Variants in THBS4 observed in about 807,000 individuals in gnomAD.
THBS4 encodes the protein thrombospondin-4.
THBS4 carries 90 observed loss-of-function variants against 115.7 expected under a neutral mutation model. That is an observed-to-expected ratio of 0.78 (90% confidence interval 0.66 to 0.93). The LOEUF (loss-of-function observed/expected upper bound fraction) is 0.93, where lower values mean the gene tolerates loss of function less well. Among genes scored for constraint, THBS4 ranks in the 40% least tolerant of loss-of-function variants. The pLI is 0.00. For synonymous variants in THBS4, 460 were observed against 479.3 expected (o/e 0.96, Z 0.53); for missense variants, 1,087 against 1,232.7 (o/e 0.88, Z 1.77).
chr5:80,079,003 A>T (rs1743357025), intron 18 of THBS4, 34 bp downstream of exon 18: 1 of 1,613,572 alleles, frequency 6.2e-7, no homozygotes, highest in Non-Finnish European at 8.5e-7. Flanking sequence ...ACTCACATAG[A>T]ATTCTTCCAG....
At position 80,056,034 on chromosome 5, in the gene THBS4, T is replaced by G; in HGVS notation, c.540+2T>G. On this transcript the variant is annotated splice_donor_variant, in intron 3 of 21. Transcript: ENST00000350881. LOFTEE classifies it high-confidence loss of function. ...AGGACTTTCCAGAGGAAGCCACAGGTAGGAACCCACAAACCATTCTCTGAA... is the reference window on the plus strand; with the variant it reads ...AGGACTTTCCAGAGGAAGCCACAGGGAGGAACCCACAAACCATTCTCTGAA... The G allele has an allele frequency of 6.3e-7, 1 of 1,596,276 alleles. No homozygotes were observed. The highest frequency in any genetic ancestry group is 8.6e-7 in the Non-Finnish European group (1 of 1,168,294).
At chr5:80,079,869 G>A (rs768891630) in intron 19 of THBS4, 36 bp from the exon 20 acceptor site, 2 of 1,605,376 alleles carry the variant, frequency 1.2e-6, no homozygotes, top group South Asian at 1.1e-5. Flanking sequence ...TGGTGCCTGT[G>A]TCCTGTCCTA....
At chr5:80,080,663 T>G (rs535034509) in intron 20 of THBS4, among the ~76,000 whole-genome samples, 5 of 143,890 alleles carry the variant, frequency 3.5e-5, no homozygotes, top group African/African-American at 1.0e-4. Flanking sequence ...CTCAGCTCAC[T>G]GCAACCTCCG....
intron 2 of THBS4, among the ~76,000 whole-genome samples, chr5:80,045,624 G>A (rs533221339): frequency 1.3e-4 from 19 of 148,472 alleles, no homozygotes; most frequent in South Asian, 2.3e-4. Context: ...TCCGCCTCCC[G>A]GGTTCAAGTG....
At chr5:80,077,169 C>G in intron 16 of THBS4, 121 bp downstream of exon 16, 2 of 916,792 alleles carry the variant, frequency 2.2e-6, no homozygotes, top group South Asian at 2.0e-5. Flanking sequence ...AGCTGCTTCT[C>G]TACACCCAGC....
chr5:80,021,962 G>A (rs1026660076), intron 2 of THBS4, among the ~76,000 whole-genome samples: 6 of 152,138 alleles, frequency 3.9e-5, no homozygotes, highest in African/African-American at 1.4e-4. Flanking sequence ...AATCGGGAGA[G>A]GCAAATTTCT....
intron 1 of THBS4, among the ~76,000 whole-genome samples, chr5:79,993,618 AT>A (rs1330051740): frequency 6.6e-6 from 1 of 152,202 alleles, no homozygotes; most frequent in Admixed American, 6.5e-5. Flanking sequence ...AAGAAATCTT[AT>A]TTTTCAAAAG....
At chr5:80,082,758 A>G (rs1743584960) in intron 21 of THBS4, among the ~76,000 whole-genome samples, 1 of 152,244 alleles carries the variant, frequency 6.6e-6, no homozygotes, top group South Asian at 2.1e-4. Flanking sequence ...ATTTAACTGC[A>G]TGGTTTAGGG....
Position 80,072,339 on chromosome 5 carries a change from T to C in THBS4, c.1782T>C (p.Asp594=), listed in dbSNP as rs200880335. The part of the protein sequence containing the change: ...KFPNRDQRDK[D]GDGVGDACDS... ...CCAATCGTGACCAACGGGACAAGGA[T>C]GGTGATGGTGTGGGGGATGCCTGTG... is the stretch of plus-strand genomic sequence containing the variant. Residue 594 remains aspartate (D), a synonymous_variant, in exon 14 of 22, where the codon GAT becomes GAC. Transcript: ENST00000350881. 1 of 1,614,134 alleles carries C rather than the reference T, an allele frequency of 6.2e-7. No homozygotes were observed.
At chr5:80,081,033 C>G (rs1269113550) in intron 20 of THBS4, among the ~76,000 whole-genome samples, 2 of 151,984 alleles carry the variant, frequency 1.3e-5, no homozygotes, top group Admixed American at 6.6e-5. Flanking sequence ...TAAGTATTCT[C>G]GGGAGTTAGG....
chr5:80,077,103 C>G, intron 16 of THBS4, 55 bp downstream of exon 16: 1 of 1,445,290 alleles, frequency 6.9e-7, no homozygotes, highest in Admixed American at 2.2e-5. Context: ...TTCAGCCAGG[C>G]ACATGGGGGC....
upstream of THBS4, among the ~76,000 whole-genome samples, chr5:80,035,055 C>T (rs911054927): frequency 2.2e-4 from 34 of 152,226 alleles, no homozygotes; most frequent in African/African-American, 7.0e-4. The surrounding 1 kb of genome is among the most constrained non-coding windows in gnomAD (Gnocchi z 4.6). Context: ...CCTTTCCTCC[C>T]GCTCCTTTCT....
intron 2 of THBS4, among the ~76,000 whole-genome samples, chr5:80,008,016 G>C (rs1339923814): frequency 1.3e-5 from 2 of 152,200 alleles, no homozygotes; most frequent in African/African-American, 2.4e-5. Context: ...TGGAATAAAT[G>C]TGGACAACTT....
intron 2 of THBS4, among the ~76,000 whole-genome samples, chr5:80,020,414 C>T (rs1832347360): frequency 6.6e-6 from 1 of 152,164 alleles, no homozygotes; most frequent in Non-Finnish European, 1.5e-5. Context: ...GCGAAGGTTG[C>T]AGTGAGCCAA....
chr5:80,073,079 A>C (rs1279243940), intron 14 of THBS4, among the ~76,000 whole-genome samples, 196 bp from the exon 15 acceptor site: 1 of 152,156 alleles, frequency 6.6e-6, no homozygotes, highest in Non-Finnish European at 1.5e-5. Flanking sequence ...ATGTAGCTTG[A>C]TATTTTAGAA....
intron 1 of THBS4, among the ~76,000 whole-genome samples, chr5:79,992,585 C>T (rs1047281675): frequency 6.6e-6 from 1 of 152,176 alleles, no homozygotes; most frequent in Non-Finnish European, 1.5e-5. Context: ...TTGGAAAATG[C>T]ATAACATATG....
At chr5:80,030,778 T>C (rs1832571610), upstream of THBS4, among the ~76,000 whole-genome samples, 1 of 152,204 alleles carries the variant, frequency 6.6e-6, no homozygotes, top group African/African-American at 2.4e-5. Flanking sequence ...AGTGCTGAGA[T>C]TATAGGCATG....
chr5:80,061,864 T>G (rs1342322925), intron 8 of THBS4, 32 bp downstream of exon 8: 4 of 1,578,626 alleles, frequency 2.5e-6, no homozygotes, highest in Middle Eastern at 1.7e-4. Context: ...TATTCATTTC[T>G]CATCTTAACA....
At position 80,058,328 on chromosome 5, in the gene THBS4, G is replaced by C; in HGVS notation, c.649+14G>C. 1 of 1,544,946 alleles carries C rather than the reference G, an allele frequency of 6.5e-7. No homozygotes were observed. The highest frequency in any genetic ancestry group is 1.2e-5 in the South Asian group (1 of 84,030). Reference sequence around the variant, plus strand: ...CCACAGGCACAGGTGTGGGCTCTTGGGCAGTTTGCATGCCTTCATCAACAC... The same window carrying C: ...CCACAGGCACAGGTGTGGGCTCTTGCGCAGTTTGCATGCCTTCATCAACAC... On this transcript the variant is annotated intron_variant, in intron 4 of 21. Transcript: ENST00000350881.
Sources: gnomAD v4.1 joint callset for allele counts (sites outside exome capture counted in the v4.1 genomes callset) on GRCh38, gnomAD v4.1.1 for gene constraint, Gnocchi (gnomAD v3.1) non-coding constraint, MANE v1.5 for transcripts, NCBI Gene and HGNC (gene_info 2026-07-23, HGNC 2026-07-21) for gene names.